COL6A6: variants seen among roughly 807,000 people sequenced by gnomAD.
The protein encoded by COL6A6 is collagen alpha-6(VI) chain.
COL6A6 carries 183 observed loss-of-function variants against 208.6 expected under a neutral mutation model. The ratio of observed to expected loss-of-function variants is 0.88; its 90% CI spans 0.78 to 0.99. The LOEUF is 0.99. COL6A6 is among the 50% of genes least tolerant of loss of function. The pLI, the probability that COL6A6 is intolerant of heterozygous loss-of-function variation, is 0.00. For missense variants in COL6A6, 2,816 were observed against 2,815.2 expected (o/e 1.00, Z -0.01); for synonymous variants, 973 against 1,011.8 (o/e 0.96, Z 0.73).
chr3:130,568,062 A>C lies in COL6A6; in HGVS notation c.1859A>C (p.Lys620Thr), dbSNP rs756743043. 1.2e-5 allele frequency: 19 copies of C among 1,609,676 alleles called. No individual in the cohort carries two copies. In the African/African-American group the frequency reaches 2.4e-4, roughly 20 times the overall value. ...ICTEEACKEM[K>T]ADIMFLVDSS... ...TCCTATGCAGCTTGCAAAGAGATGA[A>C]AGCTGACATCATGTTTCTGGTGGAC... Residue 620 changes from lysine to threonine, a missense_variant, in exon 6 of 37, where the codon AAA (lysine) becomes ACA (threonine). Lys to Thr is a moderately conservative substitution (Grantham distance 78). Transcript: ENST00000358511.
At chr3:130,593,167 T>C (rs757790777) in intron 16 of COL6A6, 32 bp from the exon 17 acceptor site, 1 of 1,611,736 alleles carries the variant, frequency 6.2e-7, no homozygotes, top group South Asian at 1.1e-5. Flanking sequence ...AAACGAGAAT[T>C]CTATTAATAG....
chr3:130,595,261 A>G (rs1217106294), intron 18 of COL6A6, among the ~76,000 whole-genome samples: 5 of 152,176 alleles, frequency 3.3e-5, no homozygotes. Context: ...GATTTTCATC[A>G]CCATACCCAC....
chr3:130,634,734 C>A, intron 27 of COL6A6, 109 bp downstream of exon 27: 1 of 765,564 alleles, frequency 1.3e-6, no homozygotes. Flanking sequence ...AATGTCCTAC[C>A]TTTGTGCGGA....
chr3:130,560,277 GAGTCT>G, intron 1 of COL6A6, 52 bp from the exon 2 acceptor site: 2 of 1,088,434 alleles, frequency 1.8e-6, no homozygotes, highest in Non-Finnish European at 2.7e-6. Flanking sequence ...TCTTGTATGT[GAGTCT>G]TAATTCCCAA....
chr3:130,613,553 G>A (rs886376119), intron 23 of COL6A6, among the ~76,000 whole-genome samples: 1 of 152,194 alleles, frequency 6.6e-6, no homozygotes, highest in Admixed American at 6.5e-5. Context: ...TGTGAAGAAT[G>A]TCATTGGTAG....
chr3:130,540,161 G>A lies in COL6A6; in HGVS notation c.-31-20173G>A, dbSNP rs572583605. 5.9e-5 allele frequency among the ~76,000 whole-genome samples: 9 copies of A among 152,172 alleles called. 1 individual carries two copies. In the South Asian group the frequency reaches 1.9e-3, roughly 32 times the overall value. ...ATGTAACTACTATCCTGACCCTTAT[G>A]GTTATTTCCTTTTTAAAAATAGACG... is the stretch of plus-strand genomic sequence containing the variant. On this transcript the variant is annotated intron_variant, in intron 1 of 36. Transcript: ENST00000358511.
At chr3:130,562,063 TTATGCTG>T (rs1400218052) in intron 2 of COL6A6, among the ~76,000 whole-genome samples, 1 of 152,218 alleles carries the variant, frequency 6.6e-6, no homozygotes, top group Non-Finnish European at 1.5e-5. Flanking sequence ...ACTTGTTCCA[TTATGCTG>T]TATTTCCTTA....
At chr3:130,590,613 G>A (rs774459403) in intron 12 of COL6A6, among the ~76,000 whole-genome samples, 5 of 151,802 alleles carry the variant, frequency 3.3e-5, no homozygotes, top group Non-Finnish European at 7.4e-5. Flanking sequence ...TGCCGCCCAG[G>A]CTGGAGTGCA....
At chr3:130,535,325 T>A (rs183933577) in intron 1 of COL6A6, among the ~76,000 whole-genome samples, 12 of 152,342 alleles carry the variant, frequency 7.9e-5, no homozygotes, top group Non-Finnish European at 1.0e-4. Context: ...GGATAGATAT[T>A]TTTATGGTTG....
chr3:130,522,613 G>T (rs1173510484), intron 1 of COL6A6, among the ~76,000 whole-genome samples: 1 of 151,990 alleles, frequency 6.6e-6, no homozygotes, highest in Non-Finnish European at 1.5e-5. Context: ...TGCCCACAAG[G>T]CACTTGAAGA....
At chr3:130,599,316 G>A (rs2063938578) in intron 19 of COL6A6, among the ~76,000 whole-genome samples, 1 of 152,096 alleles carries the variant, frequency 6.6e-6, no homozygotes, top group African/African-American at 2.4e-5. Flanking sequence ...GATCATACAA[G>A]TCTTTTTATT....
intron 1 of COL6A6, among the ~76,000 whole-genome samples, chr3:130,531,015 TA>T (rs2062069301): frequency 1.4e-5 from 2 of 143,774 alleles, no homozygotes; most frequent in Admixed American, 6.9e-5. Context: ...CCCCCTCCTC[TA>T]CACACACACA....
intron 22 of COL6A6, among the ~76,000 whole-genome samples, chr3:130,610,210 G>A (rs1011604561): frequency 6.6e-6 from 1 of 152,018 alleles, no homozygotes; most frequent in African/African-American, 2.4e-5. Context: ...TATTCCAAAA[G>A]TAGAAATAGT....
intron 1 of COL6A6, among the ~76,000 whole-genome samples, chr3:130,546,303 A>G (rs1288274055): frequency 6.7e-6 from 1 of 149,758 alleles, no homozygotes; most frequent in Non-Finnish European, 1.5e-5. Context: ...TGAGTGTTAC[A>G]GCTCTTAAGG....
In COL6A6 at chr3:130,563,147, G is replaced by A. The variant is rs751104667; in HGVS notation, c.144G>A (p.Met48Ile). 32 of 1,613,868 alleles carry A rather than the reference G, an allele frequency of 2.0e-5. 1 individual carries two copies. The Admixed American group carries it at 4.0e-4, about 20-fold the overall frequency. The part of the protein sequence containing the change: ...LGSKSFPFVK[M>I]FITKMISSLP... The stretch of plus-strand genomic sequence containing the variant: ...CCAAGTCCTTCCCATTTGTGAAAAT[G>A]TTCATCACCAAAATGATCAGCAGTC... Residue 48 changes from methionine (M) to isoleucine (I), a missense_variant, in exon 3 of 37, where the codon ATG becomes ATA. By Grantham distance (10) the Met-to-Ile change is conservative (BLOSUM62 1). Transcript: ENST00000358511.
At chr3:130,582,334 T>C (rs1293491326) in intron 10 of COL6A6, among the ~76,000 whole-genome samples, 2 of 152,204 alleles carry the variant, frequency 1.3e-5, no homozygotes, top group African/African-American at 4.8e-5. Context: ...CTTCCTGACC[T>C]TTCCTGGAGA....
At chr3:130,612,026 A>G (rs933340797) in intron 23 of COL6A6, among the ~76,000 whole-genome samples, 1 of 152,164 alleles carries the variant, frequency 6.6e-6, no homozygotes, top group African/African-American at 2.4e-5. Context: ...AAGTGAGAAC[A>G]TGTGGTATTT....
intron 1 of COL6A6, among the ~76,000 whole-genome samples, chr3:130,548,099 AG>A (rs1164841464): frequency 5.3e-5 from 8 of 152,214 alleles, no homozygotes; most frequent in Admixed American, 1.3e-4. Context: ...GGCCAATCCT[AG>A]TTGTTTTAAA....
At position 130,573,966 on chromosome 3, in the gene COL6A6, T is replaced by C. The variant is rs778743373; in HGVS notation, c.2988T>C (p.Ile996=). The stretch of plus-strand genomic sequence containing the variant: ...TTCTCTTCTTTGTAGATTGTGAAAT[T>C]GACAAAGTAGATCTTGTTTTCCTTA... ...VCNSSKVDCE[I]DKVDLVFLMD... is the part of the protein sequence containing the mutation. The change falls in exon 8 of 37, where the codon ATT becomes ATC. Residue 996 remains isoleucine (I), a synonymous_variant. Coordinates refer to ENST00000358511, the MANE Select transcript of COL6A6 (RefSeq NM_001102608.3). 1.2e-6 allele frequency: 2 copies of C among 1,604,502 alleles called. No individual in the cohort carries two copies. The highest frequency in any genetic ancestry group is 1.7e-6 in the Non-Finnish European group (2 of 1,171,762).
Sources: gnomAD v4.1 joint callset for allele counts (sites outside exome capture counted in the v4.1 genomes callset) on GRCh38, gnomAD v4.1.1 for gene constraint, MANE v1.5 for transcripts, NCBI Gene and HGNC (gene_info 2026-07-23, HGNC 2026-07-21) for gene names.